ACACB: variants seen among roughly 807,000 people sequenced by gnomAD.
The protein encoded by ACACB is acetyl-CoA carboxylase beta.
Under a neutral mutation model 278.8 loss-of-function variants are expected in ACACB, and 209 were observed. The ratio of observed to expected loss-of-function variants is 0.75; its 90% CI spans 0.67 to 0.84. The LOEUF is 0.84. Among genes scored for constraint, ACACB ranks in the 40% least tolerant of loss-of-function variants. The pLI is 0.00. For synonymous variants in ACACB, 1,174 were observed against 1,285.6 expected (o/e 0.91, Z 1.86); for missense variants, 2,850 against 3,269.0 (o/e 0.87, Z 3.13).
upstream of ACACB, among the ~76,000 whole-genome samples, chr12:109,113,944 G>A (rs1388851055): frequency 2.0e-5 from 3 of 152,160 alleles, no homozygotes; most frequent in African/African-American, 4.8e-5. Flanking sequence ...TCTGACAACA[G>A]GAAGTTCCTT....
intron 20 of ACACB, among the ~76,000 whole-genome samples, chr12:109,207,804 G>A (rs908341665): frequency 6.6e-6 from 1 of 152,018 alleles, no homozygotes; most frequent in Non-Finnish European, 1.5e-5. Flanking sequence ...TCAGCCTCCC[G>A]AGTAGCTGGG....
At chr12:109,208,612 C>T (rs2045591505) in intron 20 of ACACB, among the ~76,000 whole-genome samples, 1 of 152,132 alleles carries the variant, frequency 6.6e-6, no homozygotes, top group African/African-American at 2.4e-5. Flanking sequence ...CATCGTCATC[C>T]AAAGACCATC....
Position 109,141,283 on chromosome 12 carries a change from A to G in ACACB, c.653+1225A>G, listed in dbSNP as rs146211572. Among the ~76,000 whole-genome samples the G allele has an allele frequency of 1.3e-4, 20 of 151,560 alleles. No individual in the cohort carries two copies. In the East Asian group the frequency reaches 3.9e-3, roughly 29 times the overall value. On this transcript the variant is annotated intron_variant, in intron 2 of 52. Coordinates refer to ENST00000338432, the MANE Select transcript of ACACB (RefSeq NM_001093.4). ...ATGCCTGAAAAGCAGAAACTCAAACACTCTAAAGGTCTCCATCAATTTGAT... is the reference window on the plus strand; with the variant it reads ...ATGCCTGAAAAGCAGAAACTCAAACGCTCTAAAGGTCTCCATCAATTTGAT...
intron 15 of ACACB, among the ~76,000 whole-genome samples, chr12:109,192,457 G>A (rs927960184): frequency 5.9e-5 from 9 of 151,976 alleles, no homozygotes; most frequent in South Asian, 4.2e-4. Flanking sequence ...AACCTGTCCC[G>A]TGCATCATAG....
chr12:109,200,982 A>G (rs1030845375), intron 18 of ACACB, among the ~76,000 whole-genome samples: 13 of 152,220 alleles, frequency 8.5e-5, no homozygotes, highest in Non-Finnish European at 1.5e-4. Flanking sequence ...ATTCTAGTCC[A>G]GGCCTGGCTG....
In ACACB at chr12:109,223,909, G is replaced by A. The variant is rs772176564; in HGVS notation, c.3882+5G>A. On this transcript the variant is annotated splice_donor_5th_base_variant and intron_variant, in intron 27 of 52. Transcript: ENST00000338432. ...GTGTGCATGGCGTCCTTGGAGGTAA[G>A]CAGGAGAGGCCCAGAGAACAGCACT... 6.2e-7 allele frequency: 1 copy of A among 1,612,856 alleles called. No homozygotes were observed. The highest frequency in any genetic ancestry group is 2.2e-5 in the East Asian group (1 of 44,880).
In ACACB at chr12:109,161,731, T is replaced by TTGTGTGTG. The variant is rs140801879; in HGVS notation, c.654-5123_654-5122insGTGTGTGT. ...TTTTTTATGGCTCAGTAGTATTCTT[T>TTGTGTGTG]TGTGTGTATGTGTGTGTGTGGTGTG... On this transcript the variant is annotated intron_variant, in intron 2 of 52. Transcript: ENST00000338432. Among the ~76,000 whole-genome samples the TTGTGTGTG allele has an allele frequency of 5.3e-3, 791 of 150,244 alleles. 12 individuals are homozygous for TTGTGTGTG. Among genetic ancestry groups the TTGTGTGTG allele is most frequent in the African/African-American group, 0.018 (739 of 40,932 alleles).
intron 1 of ACACB, among the ~76,000 whole-genome samples, chr12:109,120,390 GA>G (rs1389003114): frequency 2.0e-5 from 3 of 152,200 alleles, no homozygotes; most frequent in African/African-American, 7.2e-5. Flanking sequence ...CATCTTTCAG[GA>G]TTGGTATTCA....
At chr12:109,125,425 G>A (rs1280695146) in intron 1 of ACACB, 1 of 152,144 alleles carries the variant, frequency 6.6e-6, no homozygotes, top group Non-Finnish European at 1.5e-5. Context: ...TGTTCTTAGA[G>A]ACATTATAAT....
At chr12:109,161,535 G>T (rs6606695) in intron 2 of ACACB, among the ~76,000 whole-genome samples, 85,065 of 151,594 alleles carry the variant, frequency 0.56, 24,447 homozygotes, top group Middle Eastern at 0.69. Context: ...AGAGTGAGAC[G>T]CAGTCTCAGA....
Position 109,193,632 on chromosome 12 carries a change from C to G in ACACB, c.2400-16C>G, listed in dbSNP as rs769832209. 3.7e-6 allele frequency: 6 copies of G among 1,606,436 alleles called. No individual in the cohort carries two copies. Among genetic ancestry groups the G allele is most frequent in the African/African-American group, 1.3e-5 (1 of 74,736 alleles). ...GTCCCTCCCAAGGCTGACCACAACCCTGTCTTTTCTTTCAGGGGCCAGGTC... is the reference window on the plus strand; with the variant it reads ...GTCCCTCCCAAGGCTGACCACAACCGTGTCTTTTCTTTCAGGGGCCAGGTC... On this transcript the variant is annotated splice_polypyrimidine_tract_variant and intron_variant, in intron 15 of 52. Transcript: ENST00000338432.
At chr12:109,238,817 G>T (rs558914681) in intron 34 of ACACB, among the ~76,000 whole-genome samples, 1 of 151,790 alleles carries the variant, frequency 6.6e-6, no homozygotes, top group Non-Finnish European at 1.5e-5. Flanking sequence ...TGCCCACTTC[G>T]GCCTCCCAAA....
At position 109,193,741 on chromosome 12, in the gene ACACB, C is replaced by G. The variant is rs375255379; in HGVS notation, c.2481+12C>G. 3.1e-6 allele frequency: 5 copies of G among 1,600,262 alleles called. No individual in the cohort carries two copies. The South Asian group carries it at 4.4e-5, about 14-fold the overall frequency. ...AGTACATTCTCAAGGTAAATGCCCC[C>G]GTGCCTCTCCGATGTCTCCAACACT... is the stretch of plus-strand genomic sequence containing the variant. On this transcript the variant is annotated intron_variant, in intron 16 of 52. Coordinates refer to ENST00000338432, the MANE Select transcript of ACACB (RefSeq NM_001093.4).
In ACACB at chr12:109,232,806, G is replaced by C; in HGVS notation, c.4139G>C (p.Arg1380Thr). The change falls in exon 29 of 53, where the codon AGA (arginine) becomes ACA (threonine). Residue 1380 changes from arginine to threonine, a missense_variant and splice_region_variant. Arg to Thr is a moderately conservative substitution (Grantham distance 71, BLOSUM62 -1). Around this residue, in one of 3 missense-constraint regions of ACACB, gnomAD observed 2,265 missense variants for 2,561.3 expected, o/e 0.88. Transcript: ENST00000338432. ...VAFRRFEDFT[R>T]NFDEVISCFA... is the part of the protein sequence containing the mutation. Reference sequence around the variant, plus strand: ...TTCAGGAGATTCGAGGACTTCACCAGGTACCCAGCATGGCCCGGTCTCCAA... The same window carrying C: ...TTCAGGAGATTCGAGGACTTCACCACGTACCCAGCATGGCCCGGTCTCCAA... 1 of 1,614,122 alleles carries C rather than the reference G, an allele frequency of 6.2e-7. No homozygotes were observed. Among genetic ancestry groups the C allele is most frequent in the Non-Finnish European group, 8.5e-7 (1 of 1,180,010 alleles).
At chr12:109,201,479 G>T in intron 18 of ACACB, 88 bp from the exon 19 acceptor site, 1 of 1,521,846 alleles carries the variant, frequency 6.6e-7, no homozygotes, top group Non-Finnish European at 9.0e-7. Flanking sequence ...GTGTCCCGGC[G>T]CGTCCCTGCT....
intron 1 of ACACB, among the ~76,000 whole-genome samples, chr12:109,127,308 A>G (rs2042704290): frequency 6.6e-6 from 1 of 152,146 alleles, no homozygotes; most frequent in African/African-American, 2.4e-5. Flanking sequence ...GGATACTTGT[A>G]AACAAGATGC....
upstream of ACACB, among the ~76,000 whole-genome samples, chr12:109,112,820 G>A (rs2042335857): frequency 6.6e-6 from 1 of 152,024 alleles, no homozygotes; most frequent in Admixed American, 6.6e-5. Context: ...ATAAAAGGCA[G>A]TCTTAGCCTT....
intron 1 of ACACB, among the ~76,000 whole-genome samples, chr12:109,138,151 G>C (rs771386955): frequency 3.3e-5 from 5 of 152,092 alleles, no homozygotes; most frequent in Non-Finnish European, 7.4e-5. Context: ...TGATCTGCCC[G>C]CCTCAGCCTC....
At chr12:109,112,905 C>G (rs73195472), upstream of ACACB, among the ~76,000 whole-genome samples, 2,540 of 152,230 alleles carry the variant, frequency 0.017, 25 homozygotes, top group Non-Finnish European at 0.02. Context: ...TACCCGTTCT[C>G]CGTGGGAACT....
Sources: allele counts gnomAD v4.1 joint callset (sites outside exome capture counted in the v4.1 genomes callset), GRCh38; gene constraint gnomAD v4.1.1; regional missense constraint gnomAD v4.1.1; transcripts MANE v1.5; gene names NCBI Gene and HGNC (gene_info 2026-07-23, HGNC 2026-07-21).